Variants in NPSR1 observed in about 807,000 individuals in gnomAD.
NPSR1 encodes neuropeptide S receptor.
NPSR1 carries 48 observed loss-of-function variants against 46.9 expected under a neutral mutation model. The ratio of observed to expected loss-of-function variants is 1.02; its 90% CI spans 0.81 to 1.30. The LOEUF (loss-of-function observed/expected upper bound fraction) is 1.30, where lower values mean the gene tolerates loss of function less well. NPSR1 is among the 50% of genes most tolerant of loss of function. The probability of loss-of-function intolerance (pLI) is 0.00; values close to 1 mark genes in which losing one functional copy is unlikely to be tolerated. For missense variants in NPSR1, 450 were observed against 449.5 expected, an observed-to-expected ratio of 1.00 and a Z score of -0.01; for synonymous variants, 176 against 168.1, an observed-to-expected ratio of 1.05 and a Z score of -0.36.
chr7:34,839,633 C>T (rs1413114853), intron 6 of NPSR1, among the ~76,000 whole-genome samples: 1 of 152,150 alleles, frequency 6.6e-6, no homozygotes, highest in Non-Finnish European at 1.5e-5. Context: ...GTAGCCTTAA[C>T]CACATAGAAG....
At chr7:34,759,544 A>T (rs1402695051) in intron 2 of NPSR1, among the ~76,000 whole-genome samples, 2 of 152,178 alleles carry the variant, frequency 1.3e-5, no homozygotes, top group African/African-American at 4.8e-5. Context: ...CCAGCACAAC[A>T]TGATGTTCCA....
Position 34,687,143 on chromosome 7 carries a change from A to G in NPSR1, c.280+2459A>G, listed in dbSNP as rs928524213. On this transcript the variant is annotated intron_variant, in intron 2 of 8. Coordinates refer to ENST00000360581, the MANE Select transcript of NPSR1 (RefSeq NM_207172.2). ...TCTCAGAGACCCCACAACTTCCAAA[A>G]AACAAGTATCAGGCTTTTTTTTTTT... 3.3e-5 allele frequency among the ~76,000 whole-genome samples: 5 copies of G among 150,034 alleles called. No homozygotes were observed. In the East Asian group the frequency reaches 9.7e-4, roughly 29 times the overall value.
chr7:34,776,884 C>G (rs1328266265), intron 2 of NPSR1, among the ~76,000 whole-genome samples: 2 of 152,170 alleles, frequency 1.3e-5, no homozygotes, highest in Non-Finnish European at 2.9e-5. Flanking sequence ...GGAAAGGCGG[C>G]CTCTCAGAGC....
intron 3 of NPSR1, among the ~76,000 whole-genome samples, chr7:34,787,996 C>T (rs112039909): frequency 0.036 from 5,536 of 151,980 alleles, 328 homozygotes; most frequent in African/African-American, 0.13. Flanking sequence ...CACAGGGTTG[C>T]CACAAACCTT....
At chr7:34,845,491 C>T (rs1043971769) in intron 7 of NPSR1, 10 of 444,808 alleles carry the variant, frequency 2.2e-5, no homozygotes, top group African/African-American at 1.0e-4. Flanking sequence ...TCACCTTGTA[C>T]TATTTCCTGT....
chr7:34,855,964 A>G (rs1005711977), intron 8 of NPSR1, among the ~76,000 whole-genome samples: 1 of 152,152 alleles, frequency 6.6e-6, no homozygotes, highest in Non-Finnish European at 1.5e-5. Flanking sequence ...TTGAGCTCCA[A>G]TTATAAGATA....
chr7:34,698,631 T>C (rs1793658655), intron 2 of NPSR1, among the ~76,000 whole-genome samples: 1 of 152,228 alleles, frequency 6.6e-6, no homozygotes, highest in South Asian at 2.1e-4. Flanking sequence ...AGTGTGCCAC[T>C]ATAAAATTCT....
chr7:34,793,929 A>C (rs1584038690), intron 3 of NPSR1, among the ~76,000 whole-genome samples: 1 of 152,342 alleles, frequency 6.6e-6, no homozygotes, highest in Admixed American at 6.5e-5. Context: ...AACATAGATG[A>C]ACCTGGAGAA....
At chr7:34,773,370 C>T (rs1051328678) in intron 2 of NPSR1, among the ~76,000 whole-genome samples, 10 of 152,130 alleles carry the variant, frequency 6.6e-5, no homozygotes, top group South Asian at 6.2e-4. Context: ...AGCTATCCTA[C>T]ACCCCCTTCA....
chr7:34,725,114 C>G (rs1305878762), intron 2 of NPSR1, among the ~76,000 whole-genome samples: 1 of 151,380 alleles, frequency 6.6e-6, no homozygotes, highest in African/African-American at 2.4e-5. Flanking sequence ...CACACACACA[C>G]ACACACACAC....
At chr7:34,663,136 T>C (rs1184982673) in intron 1 of NPSR1, among the ~76,000 whole-genome samples, 1 of 145,740 alleles carries the variant, frequency 6.9e-6, no homozygotes, top group Non-Finnish European at 1.5e-5. Context: ...GAAGAGAGTC[T>C]GATCTACTGA....
chr7:34,767,316 A>G (rs984332147), intron 2 of NPSR1, among the ~76,000 whole-genome samples: 1 of 152,204 alleles, frequency 6.6e-6, no homozygotes, highest in African/African-American at 2.4e-5. Flanking sequence ...AACACTTTAA[A>G]ACATTCTCCC....
chr7:34,792,409 T>G (rs1418672221), intron 3 of NPSR1, among the ~76,000 whole-genome samples: 2 of 147,012 alleles, frequency 1.4e-5, no homozygotes, highest in Non-Finnish European at 3.0e-5. Context: ...CATATAGTCC[T>G]AGTACTTTGG....
chr7:34,782,996 T>C (rs1219364744), intron 3 of NPSR1, among the ~76,000 whole-genome samples: 1 of 151,928 alleles, frequency 6.6e-6, no homozygotes, highest in Admixed American at 6.6e-5. Flanking sequence ...AAATAATAAA[T>C]GCACTAGACA....
intron 2 of NPSR1, among the ~76,000 whole-genome samples, chr7:34,760,215 T>C (rs868701096): frequency 2.0e-5 from 3 of 152,068 alleles, no homozygotes; most frequent in African/African-American, 4.8e-5. Flanking sequence ...TGGCAAGGAG[T>C]CTAGGACTTA....
chr7:34,768,672 G>A (rs1786538510), intron 2 of NPSR1, among the ~76,000 whole-genome samples: 1 of 152,162 alleles, frequency 6.6e-6, no homozygotes, highest in African/African-American at 2.4e-5. Flanking sequence ...CTAATACTCA[G>A]TCTTTACTTG....
At chr7:34,809,571 C>G (rs1788883234) in intron 3 of NPSR1, among the ~76,000 whole-genome samples, 1 of 149,916 alleles carries the variant, frequency 6.7e-6, no homozygotes, top group African/African-American at 2.5e-5. Flanking sequence ...TCACGCCATT[C>G]TCCTGCCTCA....
chr7:34,746,597 A>C (rs1229262483), intron 2 of NPSR1, among the ~76,000 whole-genome samples: 2 of 152,132 alleles, frequency 1.3e-5, no homozygotes, highest in Admixed American at 6.5e-5. Flanking sequence ...TTCTCCCTCC[A>C]CCCATCCCTG....
At chr7:34,680,640 A>T (rs1792581431) in intron 1 of NPSR1, among the ~76,000 whole-genome samples, 1 of 152,222 alleles carries the variant, frequency 6.6e-6, no homozygotes, top group Admixed American at 6.5e-5. Context: ...CATGAGATCA[A>T]TAAATCGCAG....
Sources: allele counts gnomAD v4.1 joint callset (sites outside exome capture counted in the v4.1 genomes callset), GRCh38; gene constraint gnomAD v4.1.1; transcripts MANE v1.5; gene names NCBI Gene and HGNC (gene_info 2026-07-23, HGNC 2026-07-21).